The following TRAPPC13 variants were observed in gnomAD, a reference collection of about 807,000 sequenced individuals.
TRAPPC13 encodes trafficking protein particle complex subunit 13, also known as REV7-interacting novel NHEJ regulator 1.
In TRAPPC13, 39 loss-of-function variants were observed where a neutral mutation model predicts 54.0. The ratio of observed to expected loss-of-function variants is 0.72; its 90% CI spans 0.56 to 0.94. The LOEUF is 0.94. TRAPPC13 is among the 40% of genes least tolerant of loss of function. The pLI, the probability that TRAPPC13 is intolerant of heterozygous loss-of-function variation, is 0.00. For synonymous variants in TRAPPC13, 148 were observed against 167.7 expected, an observed-to-expected ratio of 0.88 and a Z score of 0.91; for missense variants, 386 against 488.1, an observed-to-expected ratio of 0.79 and a Z score of 1.97.
chr5:65,633,067 C>T (rs1159426138), intron 1 of TRAPPC13, among the ~76,000 whole-genome samples: 1 of 152,012 alleles, frequency 6.6e-6, no homozygotes, highest in Non-Finnish European at 1.5e-5. Flanking sequence ...ATACAAGGTA[C>T]CATGAGTGAA....
At chr5:65,644,095 G>T (rs909948539) in intron 4 of TRAPPC13, among the ~76,000 whole-genome samples, 2 of 152,132 alleles carry the variant, frequency 1.3e-5, no homozygotes, top group Admixed American at 1.3e-4. Flanking sequence ...AGCTCTGTAT[G>T]TTGTTTTTGA....
chr5:65,642,987 A>G (rs1244244570), intron 4 of TRAPPC13, among the ~76,000 whole-genome samples: 1 of 152,164 alleles, frequency 6.6e-6, no homozygotes, highest in Admixed American at 6.5e-5. Context: ...CATCCCAAAC[A>G]CCGTATCTTA....
chr5:65,652,652 T>C, intron 7 of TRAPPC13, 107 bp downstream of exon 7: 1 of 826,050 alleles, frequency 1.2e-6, no homozygotes, highest in East Asian at 2.5e-5. Context: ...CCAACGTGAC[T>C]GTAAATTATT....
chr5:65,643,742 G>A (rs1467741479), intron 4 of TRAPPC13, among the ~76,000 whole-genome samples: 2 of 151,046 alleles, frequency 1.3e-5, no homozygotes, highest in Non-Finnish European at 2.9e-5. Flanking sequence ...GCGTGAACCC[G>A]GGAGGCAGAG....
intron 5 of TRAPPC13, among the ~76,000 whole-genome samples, chr5:65,647,825 A>C (rs1415981125): frequency 6.6e-6 from 1 of 151,928 alleles, no homozygotes; most frequent in East Asian, 1.9e-4. Flanking sequence ...CTTCATCTCT[A>C]CTTTACCACT....
At chr5:65,650,722 C>T (rs1191531184) in intron 5 of TRAPPC13, 88 bp from the exon 6 acceptor site, 11 of 1,070,268 alleles carry the variant, frequency 1.0e-5, no homozygotes, top group Non-Finnish European at 1.5e-5. Flanking sequence ...TAAGTGTTTT[C>T]CAAATTTCTT....
At chr5:65,655,061 A>G (rs1756602127) in intron 7 of TRAPPC13, among the ~76,000 whole-genome samples, 1 of 152,214 alleles carries the variant, frequency 6.6e-6, no homozygotes, top group Admixed American at 6.5e-5. Context: ...TTAATAAAAC[A>G]TTGAAGAAAT....
chr5:65,639,276 A>G (rs185279664), intron 4 of TRAPPC13, among the ~76,000 whole-genome samples: 9 of 152,266 alleles, frequency 5.9e-5, no homozygotes, highest in Admixed American at 5.9e-4. Context: ...CAGTAGCCAT[A>G]CAATAGAGCA....
At chr5:65,633,341 G>A (rs142940475) in intron 1 of TRAPPC13, among the ~76,000 whole-genome samples, 2,769 of 151,906 alleles carry the variant, frequency 0.018, 66 homozygotes, top group African/African-American at 0.056. Flanking sequence ...AGTGCAGTGG[G>A]CGATCTCAGC....
At position 65,660,907 on chromosome 5, in the gene TRAPPC13, G is replaced by GA. The variant is rs1286556907; in HGVS notation, c.897+16dup. The GA allele has an allele frequency of 1.3e-6, 2 of 1,594,960 alleles. No individual in the cohort carries two copies. Among genetic ancestry groups the GA allele is most frequent in the South Asian group, 2.3e-5 (2 of 87,982 alleles). On this transcript the variant is annotated intron_variant, in intron 10 of 12. Transcript: ENST00000399438. ...CCAACTTCAAAGAATGGTGAGTCTG[G>GA]AAAAAACTTCGCTGGGGTTTTGGTG...
At chr5:65,628,109 T>C (rs1341984489) in intron 1 of TRAPPC13, among the ~76,000 whole-genome samples, 2 of 152,234 alleles carry the variant, frequency 1.3e-5, no homozygotes, top group African/African-American at 4.8e-5. Context: ...CAAGCCTAAC[T>C]TGCAGATATT....
chr5:65,654,189 A>G (rs911630669), intron 7 of TRAPPC13, among the ~76,000 whole-genome samples: 4 of 152,146 alleles, frequency 2.6e-5, no homozygotes, highest in Non-Finnish European at 5.9e-5. Flanking sequence ...GTTTTTCTAT[A>G]AACATTATAG....
At chr5:65,627,577 C>G (rs530571402) in intron 1 of TRAPPC13, among the ~76,000 whole-genome samples, 1 of 151,722 alleles carries the variant, frequency 6.6e-6, no homozygotes, top group African/African-American at 2.4e-5. Flanking sequence ...TTGCTGTAAG[C>G]CGAGATTGTG....
chr5:65,632,627 T>C (rs468974), intron 1 of TRAPPC13, among the ~76,000 whole-genome samples: 94,940 of 151,918 alleles, frequency 0.62, 29,992 homozygotes, highest in African/African-American at 0.65. Flanking sequence ...CCTCTGCAGG[T>C]ATTGTCAATG....
chr5:65,652,708 G>A, intron 7 of TRAPPC13, 163 bp downstream of exon 7: 1 of 683,846 alleles, frequency 1.5e-6, no homozygotes, highest in South Asian at 1.6e-5. Context: ...TTTTATTATA[G>A]GTCTCATAAT....
At chr5:65,658,146 G>T (rs537606370) in intron 8 of TRAPPC13, 3 of 397,728 alleles carry the variant, frequency 7.5e-6, no homozygotes, top group Admixed American at 8.8e-5. Context: ...TCCATCCATT[G>T]TTTGACAAGG....
intron 4 of TRAPPC13, among the ~76,000 whole-genome samples, chr5:65,645,758 G>A (rs1756170661): frequency 1.3e-5 from 2 of 151,890 alleles, no homozygotes; most frequent in East Asian, 3.9e-4. Flanking sequence ...GAGCCGAGAT[G>A]GTGCCACTGC....
At chr5:65,646,242 A>T (rs763147492) in intron 4 of TRAPPC13, among the ~76,000 whole-genome samples, 1 of 152,142 alleles carries the variant, frequency 6.6e-6, no homozygotes, top group Non-Finnish European at 1.5e-5. Context: ...AAGAAATATA[A>T]TGGAGCATCA....
intron 5 of TRAPPC13, among the ~76,000 whole-genome samples, chr5:65,647,560 T>C (rs1341302735): frequency 6.6e-6 from 1 of 152,120 alleles, no homozygotes; most frequent in Non-Finnish European, 1.5e-5. Flanking sequence ...TAACCAGGTA[T>C]ATGCACTCTG....
Sources: allele counts gnomAD v4.1 joint callset (sites outside exome capture counted in the v4.1 genomes callset), GRCh38; gene constraint gnomAD v4.1.1; transcripts MANE v1.5; gene names NCBI Gene and HGNC (gene_info 2026-07-23, HGNC 2026-07-21).